Variants in PUDP observed in about 807,000 individuals in gnomAD.
PUDP encodes the protein pseudouridine 5'-phosphatase.
In PUDP, 8 loss-of-function variants were observed where a neutral mutation model predicts 9.4. The ratio of observed to expected loss-of-function variants is 0.85; its 90% confidence interval spans 0.50 to 1.53. The LOEUF (loss-of-function observed/expected upper bound fraction) is 1.53. Ranked by LOEUF, PUDP falls within the 40% of genes most tolerant of loss-of-function variation. The pLI is 0.00. For synonymous variants in PUDP, 99 were observed against 80.7 expected (o/e 1.23, Z -1.22); for missense variants, 188 against 189.7 (o/e 0.99, Z 0.05).
intron 1 of PUDP, among the ~76,000 whole-genome samples, chrX:7,001,817 A>C (rs1261366354): frequency 8.9e-6 from 1 of 112,157 alleles, no homozygotes; most frequent in Admixed American, 9.5e-5. Context: ...AATAAAATCC[A>C]GATGATTGAA....
chrX:6,985,016 C>T (rs893098502), intron 1 of PUDP, among the ~76,000 whole-genome samples: 1 of 111,731 alleles, frequency 9.0e-6, no homozygotes, highest in Non-Finnish European at 1.9e-5. Flanking sequence ...TTGGGTTGGT[C>T]AAAAGCCTTC....
intron 3 of PUDP, among the ~76,000 whole-genome samples, chrX:6,766,195 A>G (rs1451846737): frequency 1.8e-5 from 2 of 112,076 alleles, no homozygotes; most frequent in Non-Finnish European, 3.8e-5. Flanking sequence ...AAGAAAATCT[A>G]AGAGAATTTG....
chrX:7,105,857 A>G lies in PUDP; in HGVS notation c.62-19T>C, dbSNP rs745485363. 5 of 1,047,956 alleles carry G rather than the reference A, an allele frequency of 4.8e-6. No homozygotes were observed. In the Admixed American group the frequency reaches 1.2e-4, roughly 25 times the overall value. The allele number at this position is 1,047,956 out of a possible 1,213,427, so 86.4% of individuals were successfully genotyped here. A position where few individuals can be genotyped will look rare whatever the true frequency, so the allele number is the denominator to read the frequency against. On this transcript the variant is annotated intron_variant, in intron 1 of 3. Coordinates refer to ENST00000381077, the MANE Select transcript of PUDP (RefSeq NM_012080.5). ...TCAGTATCTGCAGGAAAAAAAAAAG[A>G]GATTTTTAGAGTGCATACTGTATGA...
chrX:7,079,000 A>T (rs901020195), intron 2 of PUDP, among the ~76,000 whole-genome samples: 2 of 112,194 alleles, frequency 1.8e-5, no homozygotes, highest in African/African-American at 6.5e-5. Context: ...TAACGGCTTT[A>T]TAAGTATTAT....
At chrX:7,030,717 T>G (rs1929781373) in intron 1 of PUDP, among the ~76,000 whole-genome samples, 1 of 111,349 alleles carries the variant, frequency 9.0e-6, no homozygotes, top group African/African-American at 3.3e-5. Context: ...CATGGAATGT[T>G]GGCCTCTCAG....
rs780063436 is a variant in PUDP, at chrX:6,925,640, T to C, written c.*247+51493A>G. On this transcript the variant is annotated intron_variant and NMD_transcript_variant, in intron 3 of 3. Transcript: ENST00000655425. The stretch of plus-strand genomic sequence containing the variant: ...CCGAGGCAGTCGGATTATAATTTGG[T>C]TTTACACATTTTAAGAAGACAGAAG... Among the ~76,000 whole-genome samples the C allele has an allele frequency of 4.5e-5, 5 of 112,045 alleles. No homozygotes were observed. The South Asian group carries it at 1.9e-3, about 42-fold the overall frequency.
At chrX:6,880,411 G>C (rs1038179471) in intron 3 of PUDP, among the ~76,000 whole-genome samples, 2 of 111,735 alleles carry the variant, frequency 1.8e-5, no homozygotes, top group African/African-American at 6.5e-5. Context: ...ATTTCAACAG[G>C]TTGCTGTGAA....
At chrX:7,119,889 ATTC>A (rs1932292151) in intron 1 of PUDP, among the ~76,000 whole-genome samples, 1 of 112,273 alleles carries the variant, frequency 8.9e-6, no homozygotes, top group Non-Finnish European at 1.9e-5. Context: ...CAGGAGAAAA[ATTC>A]TTGGAGGCTT....
intron 3 of PUDP, among the ~76,000 whole-genome samples, chrX:6,782,588 A>G (rs1602617258): frequency 9.0e-6 from 1 of 110,905 alleles, no homozygotes; most frequent in East Asian, 2.8e-4. Context: ...ATAATAAAAT[A>G]AAATAAAATA....
intron 3 of PUDP, among the ~76,000 whole-genome samples, chrX:6,747,504 G>T (rs1443234527): frequency 8.9e-6 from 1 of 112,020 alleles, no homozygotes; most frequent in African/African-American, 3.2e-5. Context: ...TTGATCATTG[G>T]CTAATGTTAA....
chrX:7,086,994 C>T lies in PUDP; in HGVS notation c.281-9545G>A, dbSNP rs770234340. ...AGCCAAACACGACTGACTGAGTCCG[C>T]GCCCCAGCTCAGGGCCCTCCTGGGG... On this transcript the variant is annotated intron_variant, in intron 2 of 3. Coordinates refer to ENST00000381077, the MANE Select transcript of PUDP (RefSeq NM_012080.5). 7.2e-5 allele frequency among the ~76,000 whole-genome samples: 8 copies of T among 111,761 alleles called. No individual in the cohort carries two copies. The South Asian group carries it at 1.5e-3, about 21-fold the overall frequency.
intron 3 of PUDP, among the ~76,000 whole-genome samples, chrX:6,778,657 G>T (rs1219086638): frequency 2.7e-5 from 3 of 112,283 alleles, no homozygotes; most frequent in African/African-American, 9.7e-5. Context: ...CTCCAAGAGG[G>T]AGCCCGCAGA....
chrX:6,730,092 T>A (rs1297036584), intron 3 of PUDP, among the ~76,000 whole-genome samples: 2 of 112,188 alleles, frequency 1.8e-5, no homozygotes, highest in African/African-American at 6.5e-5. Flanking sequence ...GTTTTGAGTG[T>A]TATTCCCAAC....
intron 1 of PUDP, among the ~76,000 whole-genome samples, chrX:7,037,965 G>A (rs1293738379): frequency 9.0e-6 from 1 of 111,604 alleles, no homozygotes; most frequent in African/African-American, 3.3e-5. Context: ...TAATGAGGAT[G>A]AGGAGCTACA....
intron 1 of PUDP, among the ~76,000 whole-genome samples, chrX:7,034,506 C>G (rs1324103085): frequency 3.6e-5 from 4 of 111,823 alleles, no homozygotes; most frequent in Non-Finnish European, 7.5e-5. Context: ...AGACATACAT[C>G]TCTTAGAGAT....
chrX:6,706,999 ATCTTTTCTT>A (rs988963907), intron 1 of PUDP, among the ~76,000 whole-genome samples: 1 of 111,483 alleles, frequency 9.0e-6, no homozygotes, highest in African/African-American at 3.3e-5. Flanking sequence ...ATGAGGAGGG[ATCTTTTCTT>A]TGTGAAGCAC....
Position 6,949,606 on chromosome X carries a change from GTTCT to G in PUDP, c.*247+27523_*247+27526del, listed in dbSNP as rs937761838. On this transcript the variant is annotated intron_variant and NMD_transcript_variant, in intron 3 of 3. Coordinates refer to the PUDP transcript ENST00000655425. ...TGCAGATAACTCTATTAAATAAAATGTTCTTTCTTTTTCTGTTTATAAATATTGC... is the reference window on the plus strand; with the variant it reads ...TGCAGATAACTCTATTAAATAAAATGTTCTTTTTCTGTTTATAAATATTGC... 2.7e-5 allele frequency among the ~76,000 whole-genome samples: 3 copies of G among 112,370 alleles called. No homozygotes were observed. The Admixed American group carries it at 2.8e-4, about 11-fold the overall frequency.
intron 1 of PUDP, among the ~76,000 whole-genome samples, chrX:6,718,893 G>A (rs1487391164): frequency 9.0e-6 from 1 of 111,547 alleles, no homozygotes; most frequent in Non-Finnish European, 1.9e-5. Context: ...TTGGAGCTGA[G>A]AGCAACCGCT....
At chrX:6,763,970 T>A (rs920023636) in intron 3 of PUDP, among the ~76,000 whole-genome samples, 2 of 112,194 alleles carry the variant, frequency 1.8e-5, no homozygotes, top group Admixed American at 9.5e-5. Flanking sequence ...TCTTTCTCTT[T>A]CTAGAATTGT....
Sources: gnomAD v4.1 joint callset for allele counts (sites outside exome capture counted in the v4.1 genomes callset) on GRCh38, gnomAD v4.1.1 for gene constraint, MANE v1.5 for transcripts, NCBI Gene and HGNC (gene_info 2026-07-23, HGNC 2026-07-21) for gene names.